Variants in ZMYM1 observed in about 807,000 individuals in gnomAD.
ZMYM1 encodes the protein zinc finger MYM-type containing 1, also known as zinc finger MYM-type protein 1.
Under a neutral mutation model 60.0 loss-of-function variants are expected in ZMYM1, and 39 were observed. That is an observed-to-expected ratio of 0.65 (90% CI 0.50 to 0.85). ZMYM1 has a LOEUF of 0.85. ZMYM1 is among the 40% of genes least tolerant of loss of function. The pLI is 0.00. For missense variants in ZMYM1, 1,171 were observed against 1,309.5 expected, an observed-to-expected ratio of 0.89 and a Z score of 1.63; for synonymous variants, 413 against 454.0, an observed-to-expected ratio of 0.91 and a Z score of 1.15.
In ZMYM1 at chr1:35,113,205, T is replaced by A; in HGVS notation, c.1375T>A (p.Ser459Thr). The part of the protein sequence containing the change: ...VKGKSRSIKK[S>T]CCADFECLEN... ...AGGTAAATCACGAAGTATTAAAAAA[T>A]CTTGTTGTGCAGATTTTGAGTGTTT... The change falls in exon 10 of 10, where the codon TCT becomes ACT. Residue 459 changes from serine (S) to threonine (T), a missense_variant. Physicochemically the swap from Ser to Thr is moderately conservative, Grantham distance 58. Coordinates refer to ENST00000359858, the MANE Select transcript of ZMYM1 (RefSeq NM_024772.5). The A allele has an allele frequency of 6.2e-7, 1 of 1,613,448 alleles. No homozygotes were observed. The highest frequency in any genetic ancestry group is 8.5e-7 in the Non-Finnish European group (1 of 1,179,438).
upstream of ZMYM1, among the ~76,000 whole-genome samples, chr1:35,076,753 C>T (rs190724460): frequency 0.011 from 1,559 of 146,926 alleles, 31 homozygotes; most frequent in African/African-American, 0.036. Context: ...GCCAACATGG[C>T]GAAACCCCAT....
Position 35,114,819 on chromosome 1 carries a change from C to A in ZMYM1, c.2989C>A (p.Leu997Met), listed in dbSNP as rs769088408. The change falls in exon 10 of 10, where the codon CTG (leucine) becomes ATG (methionine). Residue 997 changes from leucine (L) to methionine (M), a missense_variant. Leu to Met is a conservative substitution (Grantham distance 15). Coordinates refer to ENST00000359858, the MANE Select transcript of ZMYM1 (RefSeq NM_024772.5). ...DYCKIKQISE[L>M]LFKWNEPLNE... is the part of the protein sequence containing the mutation. ...TTGCAAAATAAAGCAAATTTCAGAA[C>A]TGTTATTTAAATGGAATGAACCATT... 17 of 1,604,654 alleles carry A rather than the reference C, an allele frequency of 1.1e-5. No individual in the cohort carries two copies. Among genetic ancestry groups the A allele is most frequent in the Non-Finnish European group, 7.6e-6 (9 of 1,176,594 alleles).
intron 1 of ZMYM1, among the ~76,000 whole-genome samples, chr1:35,089,228 C>T (rs1252996633): frequency 6.6e-6 from 1 of 152,156 alleles, no homozygotes; most frequent in African/African-American, 2.4e-5. Flanking sequence ...CTCACGTAAA[C>T]CTCATTGGCT....
chr1:35,111,531 G>C (rs1351497434), intron 7 of ZMYM1, among the ~76,000 whole-genome samples: 1 of 152,182 alleles, frequency 6.6e-6, no homozygotes, highest in African/African-American at 2.4e-5. Context: ...CTGGGAAATT[G>C]TGTACAAAGG....
intron 6 of ZMYM1, among the ~76,000 whole-genome samples, chr1:35,107,501 C>T (rs1394264406): frequency 1.3e-5 from 2 of 151,326 alleles, no homozygotes; most frequent in Non-Finnish European, 2.9e-5. Flanking sequence ...ATTGAGTACC[C>T]AGTTGTTCAG....
rs535510862 is a variant in ZMYM1 at position 35,084,125 on chromosome 1, C to A, written c.-75+4683C>A. 3.1e-4 allele frequency among the ~76,000 whole-genome samples: 47 copies of A among 151,900 alleles called. 1 individual carries two copies. The highest frequency in any genetic ancestry group is 9.8e-4 in the Admixed American group (15 of 15,254). On this transcript the variant is annotated intron_variant, in intron 1 of 9. Coordinates refer to ENST00000359858, the MANE Select transcript of ZMYM1 (RefSeq NM_024772.5). ...TCTTCTTCACTAATTTGATATTCAT[C>A]GATTGAATTCTTAACTTCCTCACTG...
Position 35,111,840 on chromosome 1 carries a change from G to T in ZMYM1, c.1030G>T (p.Val344Phe). 6.2e-7 allele frequency: 1 copy of T among 1,609,898 alleles called. No individual in the cohort carries two copies. The highest frequency in any genetic ancestry group is 8.5e-7 in the Non-Finnish European group (1 of 1,177,066). The change falls in exon 8 of 10, where the codon GTT becomes TTT. Residue 344 changes from valine to phenylalanine, a missense_variant. Physicochemically the swap from Val to Phe is conservative, Grantham distance 50. Transcript: ENST00000359858. ...TTCTCCAAAGAAAGATACGACTCCA[G>T]TTATAAGCAATATAGTGTCATTGGC... ...LLSPKKDTTP[V>F]ISNIVSLADT...
chr1:35,070,729 G>A (rs557706457), intron 1 of ZMYM1, among the ~76,000 whole-genome samples: 23 of 151,514 alleles, frequency 1.5e-4, no homozygotes, highest in African/African-American at 5.6e-4. Flanking sequence ...TGTGATATAT[G>A]ATAATGTTAG....
intron 1 of ZMYM1, among the ~76,000 whole-genome samples, chr1:35,082,703 G>A (rs1356126820): frequency 4.0e-5 from 6 of 151,544 alleles, no homozygotes; most frequent in African/African-American, 1.5e-4. Flanking sequence ...TTAGTGGCCG[G>A]GCGTGGTGGC....
chr1:35,095,858 G>T lies in ZMYM1; in HGVS notation c.136G>T (p.Glu46Ter). The T allele has an allele frequency of 6.2e-7, 1 of 1,610,068 alleles. No homozygotes were observed. Among genetic ancestry groups the T allele is most frequent in the Non-Finnish European group, 8.5e-7 (1 of 1,177,616 alleles). Residue 46 changes from glutamate (E) to a stop codon, truncating the protein, a stop_gained, in exon 3 of 10, where the codon GAA (glutamate) becomes TAA (stop). Transcript: ENST00000359858. LOFTEE classifies it high-confidence loss of function. ...GCAACAGTCCAGAACTCAGGAGAAT[G>T]AACTGAAAATAAATGCTGTGTTTTC... ...HRQQSRTQEN[E>*]LKINAVFSES...
intron 1 of ZMYM1, among the ~76,000 whole-genome samples, chr1:35,064,139 C>T (rs1298247071): frequency 6.6e-6 from 1 of 151,948 alleles, no homozygotes; most frequent in Non-Finnish European, 1.5e-5. Context: ...GCCTGACCAA[C>T]CTGGTGAAAC....
At chr1:35,092,055 AG>A (rs1268272135) in intron 1 of ZMYM1, among the ~76,000 whole-genome samples, 1 of 151,788 alleles carries the variant, frequency 6.6e-6, no homozygotes, top group Non-Finnish European at 1.5e-5. Flanking sequence ...CCTCCAGAGT[AG>A]CTGGGATTAC....
chr1:35,108,767 A>G (rs1291773188), intron 6 of ZMYM1, among the ~76,000 whole-genome samples: 1 of 140,002 alleles, frequency 7.1e-6, no homozygotes, highest in East Asian at 2.1e-4. Context: ...GCTGGAGTGC[A>G]TGGTGTGAGC....
chr1:35,086,569 T>C (rs959501260), intron 1 of ZMYM1, among the ~76,000 whole-genome samples: 2 of 152,222 alleles, frequency 1.3e-5, no homozygotes, highest in African/African-American at 4.8e-5. Context: ...TATAAATTAG[T>C]TTTGAGATTA....
At chr1:35,088,291 G>A (rs1642768165) in intron 1 of ZMYM1, among the ~76,000 whole-genome samples, 1 of 151,320 alleles carries the variant, frequency 6.6e-6, no homozygotes, top group African/African-American at 2.4e-5. Flanking sequence ...GGTAGCACGT[G>A]CCTGTAATCC....
intron 2 of ZMYM1, 118 bp from the exon 3 acceptor site, chr1:35,095,701 C>A: frequency 1.2e-6 from 1 of 817,098 alleles, no homozygotes; most frequent in Non-Finnish European, 1.9e-6. Flanking sequence ...TGGTTCAATT[C>A]AGTTATACAA....
chr1:35,069,217 T>G (rs575523662), intron 1 of ZMYM1, among the ~76,000 whole-genome samples: 16 of 152,322 alleles, frequency 1.1e-4, no homozygotes, highest in South Asian at 1.0e-3. Flanking sequence ...CACCACAGTG[T>G]GTAAGTGTTC....
chr1:35,116,905 G>A (rs539928246), downstream of ZMYM1, among the ~76,000 whole-genome samples: 17 of 135,170 alleles, frequency 1.3e-4, no homozygotes, highest in Non-Finnish European at 2.0e-4. Context: ...GTGCTGTGGC[G>A]CGATCTCCGC....
At chr1:35,088,702 A>G (rs950650060) in intron 1 of ZMYM1, among the ~76,000 whole-genome samples, 3 of 151,380 alleles carry the variant, frequency 2.0e-5, no homozygotes, top group Non-Finnish European at 2.9e-5. Context: ...TTGTTGGAAA[A>G]GGAAGTAATG....
Sources: allele counts gnomAD v4.1 joint callset (sites outside exome capture counted in the v4.1 genomes callset), GRCh38; gene constraint gnomAD v4.1.1; transcripts MANE v1.5; gene names NCBI Gene and HGNC (gene_info 2026-07-23, HGNC 2026-07-21).